SH3GL3: variants seen among roughly 807,000 people sequenced by gnomAD.
SH3GL3 encodes the protein SH3 domain containing GRB2 like 3, endophilin A3, also known as endophilin-A3.
A neutral mutation model predicts 47.7 loss-of-function variants in SH3GL3; 33 were observed. That is an observed-to-expected ratio of 0.69 (90% CI 0.52 to 0.92). The LOEUF is 0.92. SH3GL3 is among the 40% of genes least tolerant of loss of function. The pLI, the probability that SH3GL3 is intolerant of heterozygous loss-of-function variation, is 0.00. For synonymous variants in SH3GL3, 155 were observed against 148.8 expected, an observed-to-expected ratio of 1.04 and a Z score of -0.30; for missense variants, 363 against 417.8, an observed-to-expected ratio of 0.87 and a Z score of 1.14.
chr15:83,578,408 C>T (rs1268374187), intron 6 of SH3GL3, among the ~76,000 whole-genome samples: 1 of 152,172 alleles, frequency 6.6e-6, no homozygotes, highest in African/African-American at 2.4e-5. Flanking sequence ...TATTTATCCT[C>T]AAGACCATGT....
At chr15:83,579,399 G>A (rs2059771537) in intron 6 of SH3GL3, among the ~76,000 whole-genome samples, 2 of 152,310 alleles carry the variant, frequency 1.3e-5, no homozygotes, top group South Asian at 2.1e-4. Context: ...CCTTCACAAG[G>A]AGGGGTTGTC....
At chr15:83,549,373 T>C (rs1293188544) in intron 1 of SH3GL3, among the ~76,000 whole-genome samples, 1 of 152,218 alleles carries the variant, frequency 6.6e-6, no homozygotes, top group African/African-American at 2.4e-5. Context: ...GATTATCTAG[T>C]TTTATTCTGG....
chr15:83,449,173 C>A (rs1212877741), intron 1 of SH3GL3, among the ~76,000 whole-genome samples: 2 of 152,182 alleles, frequency 1.3e-5, no homozygotes, highest in African/African-American at 4.8e-5. Flanking sequence ...AATTGTTGAG[C>A]AGTGACCACT....
chr15:83,563,031 A>G (rs2045362160), intron 2 of SH3GL3, among the ~76,000 whole-genome samples: 1 of 152,184 alleles, frequency 6.6e-6, no homozygotes, highest in Non-Finnish European at 1.5e-5. Context: ...GGGGCTCCAG[A>G]TTAATTTATT....
chr15:83,473,532 G>T (rs1014150284), intron 1 of SH3GL3, among the ~76,000 whole-genome samples: 12 of 151,352 alleles, frequency 7.9e-5, no homozygotes, highest in Non-Finnish European at 7.4e-5. Flanking sequence ...TGGCTAGAGA[G>T]AGCAGACATT....
chr15:83,500,339 C>T lies in SH3GL3; in HGVS notation c.45+52761C>T, dbSNP rs1246762464. 2.6e-5 allele frequency among the ~76,000 whole-genome samples: 4 copies of T among 152,306 alleles called. No homozygotes were observed. The East Asian group carries it at 7.7e-4, about 29-fold the overall frequency. On this transcript the variant is annotated intron_variant, in intron 1 of 8. Transcript: ENST00000427482. ...AATAAGATATATTGATAGTAATAAG[C>T]TTTGCAGGCATTTTTAGGTGTGTGT...
At chr15:83,579,918 A>C (rs1567008229) in intron 6 of SH3GL3, among the ~76,000 whole-genome samples, 1 of 152,146 alleles carries the variant, frequency 6.6e-6, no homozygotes, top group Non-Finnish European at 1.5e-5. Flanking sequence ...GCTAGAGAAA[A>C]ATCTCCTGCT....
At chr15:83,573,495 C>T (rs912384918) in intron 5 of SH3GL3, among the ~76,000 whole-genome samples, 1 of 152,230 alleles carries the variant, frequency 6.6e-6, no homozygotes, top group Non-Finnish European at 1.5e-5. Flanking sequence ...GGGTGAAGCC[C>T]AGCAAGTCTG....
At chr15:83,486,575 T>G (rs911232917) in intron 1 of SH3GL3, among the ~76,000 whole-genome samples, 1 of 152,246 alleles carries the variant, frequency 6.6e-6, no homozygotes, top group Non-Finnish European at 1.5e-5. Flanking sequence ...TATCAGTACT[T>G]TATTCCTTTT....
intron 2 of SH3GL3, among the ~76,000 whole-genome samples, chr15:83,561,946 C>T (rs2562771): frequency 0.14 from 21,548 of 151,406 alleles, 1,613 homozygotes; most frequent in East Asian, 0.21. Flanking sequence ...ATAATTTTTA[C>T]CATTCTGCTT....
the SH3GL3 span, among the ~76,000 whole-genome samples, chr15:83,633,175 C>T: frequency 6.6e-6 from 1 of 152,050 alleles, no homozygotes. Context: ...GCATTATTGG[C>T]AGGTTTTAAG....
At chr15:83,524,637 C>A (rs1234867045) in intron 1 of SH3GL3, among the ~76,000 whole-genome samples, 1 of 151,972 alleles carries the variant, frequency 6.6e-6, no homozygotes, top group East Asian at 1.9e-4. Flanking sequence ...TGTTTGCACT[C>A]ATTAGCTAAC....
intron 1 of SH3GL3, among the ~76,000 whole-genome samples, chr15:83,485,822 A>C (rs1249086508): frequency 6.6e-6 from 1 of 152,154 alleles, no homozygotes. Context: ...ACTGCCTACC[A>C]TGTGGATTTG....
At chr15:83,591,755 G>T (rs1405242411) in intron 8 of SH3GL3, among the ~76,000 whole-genome samples, 1 of 151,796 alleles carries the variant, frequency 6.6e-6, no homozygotes, top group South Asian at 2.1e-4. Context: ...GCGCCATCTC[G>T]GCTCACTGCA....
At chr15:83,616,251 CTTT>C (rs10661412) in intron 8 of SH3GL3, among the ~76,000 whole-genome samples, 2 of 114,188 alleles carry the variant, frequency 1.8e-5, no homozygotes, top group Non-Finnish European at 1.7e-5. Context: ...ATTGTGATTG[CTTT>C]TTTTTTTTTT....
chr15:83,488,710 G>A (rs780774136), intron 1 of SH3GL3, among the ~76,000 whole-genome samples: 8 of 152,212 alleles, frequency 5.3e-5, no homozygotes, highest in Non-Finnish European at 7.3e-5. Context: ...TGGCACAGTT[G>A]TCACCCCCTG....
At chr15:83,491,123 GTAAGACA>G (rs1320551191) in intron 1 of SH3GL3, among the ~76,000 whole-genome samples, 1 of 152,226 alleles carries the variant, frequency 6.6e-6, no homozygotes, top group East Asian at 1.9e-4. Context: ...ACAGAGAAAA[GTAAGACA>G]TTAGAAGTCC....
In SH3GL3 at chr15:83,548,643, T is replaced by G. The variant is rs573410041; in HGVS notation, c.46-10610T>G. ...TGTGATTTCATTGTTTTGTAGCTCC[T>G]TGATTTCTCTTGTAACATCAGCTAA... On this transcript the variant is annotated intron_variant, in intron 1 of 8. Transcript: ENST00000427482. Among the ~76,000 whole-genome samples the G allele has an allele frequency of 8.1e-4, 123 of 152,256 alleles. 1 individual carries two copies. Among genetic ancestry groups the G allele is most frequent in the African/African-American group, 2.8e-3 (118 of 41,578 alleles).
Position 83,559,373 on chromosome 15 carries a change from A to G in SH3GL3, c.114+52A>G, listed in dbSNP as rs1370665223. 6 of 951,282 alleles carry G rather than the reference A, an allele frequency of 6.3e-6. No individual in the cohort carries two copies. In the East Asian group the frequency reaches 1.2e-4, roughly 19 times the overall value. 58.9% of individuals were successfully genotyped at this position (951,282 alleles called of 1,614,324 possible). On this transcript the variant is annotated intron_variant, in intron 2 of 8. Transcript: ENST00000427482. ...ATTAGAAACTGACTTTCATTGTGAT[A>G]TGAGATATACTGCTATTGTAAAGGA... is the stretch of plus-strand genomic sequence containing the variant.
Sources: allele counts gnomAD v4.1 joint callset (sites outside exome capture counted in the v4.1 genomes callset), GRCh38; gene constraint gnomAD v4.1.1; transcripts MANE v1.5; gene names NCBI Gene and HGNC (gene_info 2026-07-23, HGNC 2026-07-21).